The following NEGR1 variants were observed in gnomAD, a reference collection of about 807,000 sequenced individuals.
The protein encoded by NEGR1 is IgLON family member 4.
NEGR1 carries 10 observed loss-of-function variants against 40.9 expected under a neutral mutation model. The observed-to-expected ratio is 0.24, with a 90% CI of 0.15 to 0.42. NEGR1 has a LOEUF of 0.42. NEGR1 is among the 10% of genes least tolerant of loss of function. The probability of loss-of-function intolerance (pLI) is 1.00; values close to 1 mark genes in which losing one functional copy is unlikely to be tolerated. For missense variants in NEGR1, 352 were observed against 438.9 expected (o/e 0.80, Z 1.77); for synonymous variants, 185 against 166.8 (o/e 1.11, Z -0.84).
chr1:72,128,862 G>C lies in NEGR1; in HGVS notation c.176+153457C>G, dbSNP rs150810814. On this transcript the variant is annotated intron_variant, in intron 1 of 6. Transcript: ENST00000357731. ...AGATATCCCTCCTCAATATGAGTGG[G>C]TATCATTCAAAATGTTAATAGCCTA... is the stretch of plus-strand genomic sequence containing the variant. Among the ~76,000 whole-genome samples the C allele has an allele frequency of 2.4e-3, 370 of 152,220 alleles. 1 individual carries two copies. The highest frequency in any genetic ancestry group is 8.5e-3 in the African/African-American group (352 of 41,528).
At chr1:72,086,990 GA>G (rs1400716414) in intron 1 of NEGR1, among the ~76,000 whole-genome samples, 1 of 152,184 alleles carries the variant, frequency 6.6e-6, no homozygotes, top group Non-Finnish European at 1.5e-5. Context: ...TAGAAAATTT[GA>G]GTTAGAGTTA....
intron 1 of NEGR1, among the ~76,000 whole-genome samples, chr1:72,269,536 T>C (rs1452786609): frequency 2.0e-5 from 3 of 151,766 alleles, no homozygotes; most frequent in African/African-American, 7.2e-5. Flanking sequence ...CAAATCATGG[T>C]TATGCATTAA....
At chr1:71,954,141 A>G (rs1458898902) in intron 1 of NEGR1, among the ~76,000 whole-genome samples, 1 of 151,992 alleles carries the variant, frequency 6.6e-6, no homozygotes, top group Non-Finnish European at 1.5e-5. Context: ...AAGAGGATGA[A>G]TAAGAGCTGT....
intron 6 of NEGR1, among the ~76,000 whole-genome samples, chr1:71,581,833 G>A (rs1321842537): frequency 6.6e-6 from 1 of 151,844 alleles, no homozygotes; most frequent in Non-Finnish European, 1.5e-5. Flanking sequence ...ATTCCAAGTA[G>A]CTGGGATGAC....
In NEGR1 at chr1:72,041,428, A is replaced by G. The variant is rs536298087; in HGVS notation, c.177-106117T>C. 9.2e-5 allele frequency among the ~76,000 whole-genome samples: 8 copies of G among 87,108 alleles called. No individual in the cohort carries two copies. The East Asian group carries it at 3.2e-3, about 35-fold the overall frequency. 57.1% of individuals were successfully genotyped at this position (87,108 alleles called of 152,430 possible). A position where few individuals can be genotyped will look rare whatever the true frequency, so the allele number is the denominator to read the frequency against. ...ATTCATTCCTTCTCTTTTCTTCTGT[A>G]GGCTTTTTTTTTTTTTTTGTCTCCT... On this transcript the variant is annotated intron_variant, in intron 1 of 6. Coordinates refer to ENST00000357731, the MANE Select transcript of NEGR1 (RefSeq NM_173808.3).
intron 2 of NEGR1, among the ~76,000 whole-genome samples, chr1:71,926,195 A>G (rs1645770593): frequency 6.6e-6 from 1 of 152,158 alleles, no homozygotes; most frequent in African/African-American, 2.4e-5. Context: ...TTATTTTCAA[A>G]TTGTAATTTT....
chr1:71,620,717 A>G (rs1650582784), intron 4 of NEGR1, among the ~76,000 whole-genome samples: 1 of 152,008 alleles, frequency 6.6e-6, no homozygotes, highest in African/African-American at 2.4e-5. Context: ...TTCACATTGA[A>G]TTAAGCCTCT....
chr1:71,995,001 A>T (rs1646491727), intron 1 of NEGR1, among the ~76,000 whole-genome samples: 2 of 151,472 alleles, frequency 1.3e-5, no homozygotes, highest in African/African-American at 4.8e-5. Flanking sequence ...TACAGGAAAA[A>T]AAAAAAAAAA....
intron 5 of NEGR1, among the ~76,000 whole-genome samples, chr1:71,598,504 T>C (rs1473296037): frequency 1.3e-5 from 2 of 152,260 alleles, no homozygotes; most frequent in African/African-American, 4.8e-5. Context: ...TAGCTTCACA[T>C]AGTCAGCCTT....
chr1:71,772,086 T>G (rs1570324884), intron 3 of NEGR1, among the ~76,000 whole-genome samples: 1 of 152,146 alleles, frequency 6.6e-6, no homozygotes, highest in East Asian at 1.9e-4. Flanking sequence ...CACATGAATA[T>G]TATGTGACTC....
chr1:72,224,790 T>A (rs777235869), intron 1 of NEGR1, among the ~76,000 whole-genome samples: 5 of 152,062 alleles, frequency 3.3e-5, no homozygotes, highest in African/African-American at 1.2e-4. Flanking sequence ...TACTTGAATT[T>A]TTTTGCCTGA....
chr1:72,146,586 T>C (rs1650918743), intron 1 of NEGR1, among the ~76,000 whole-genome samples: 1 of 152,098 alleles, frequency 6.6e-6, no homozygotes, highest in Non-Finnish European at 1.5e-5. Flanking sequence ...TAATATTGTG[T>C]AAAATTATCT....
At chr1:71,497,502 C>G (rs1416621102) in intron 6 of NEGR1, among the ~76,000 whole-genome samples, 2 of 151,666 alleles carry the variant, frequency 1.3e-5, no homozygotes, top group East Asian at 1.9e-4. Flanking sequence ...GGTTATTGAT[C>G]TTTTTTATAA....
intron 2 of NEGR1, among the ~76,000 whole-genome samples, chr1:71,832,609 TC>T (rs1489047797): frequency 1.3e-5 from 2 of 152,042 alleles, no homozygotes; most frequent in African/African-American, 2.4e-5. Context: ...TGGTAGGTCC[TC>T]AGTAAAGATT....
chr1:71,994,996 GA>G (rs34098239), intron 1 of NEGR1, among the ~76,000 whole-genome samples: 13,056 of 111,454 alleles, frequency 0.12, 820 homozygotes, highest in East Asian at 0.25. Context: ...AAATTTACAG[GA>G]AAAAAAAAAA....
At chr1:71,422,715 G>C (rs1434236486) in intron 6 of NEGR1, 1 of 152,176 alleles carries the variant, frequency 6.6e-6, no homozygotes, top group Non-Finnish European at 1.5e-5. Flanking sequence ...GATTTTGTAA[G>C]TGAAAGGGAG....
At chr1:71,859,995 A>C (rs1659896481) in intron 2 of NEGR1, among the ~76,000 whole-genome samples, 1 of 152,056 alleles carries the variant, frequency 6.6e-6, no homozygotes, top group Non-Finnish European at 1.5e-5. Context: ...GATTAATAAA[A>C]GAAGAAGAGC....
At chr1:72,106,929 G>T (rs1372696750) in intron 1 of NEGR1, among the ~76,000 whole-genome samples, 1 of 151,804 alleles carries the variant, frequency 6.6e-6, no homozygotes, top group East Asian at 1.9e-4. Context: ...TCAGGTAAAA[G>T]ACATTTAGCT....
chr1:71,676,706 G>A (rs574945595), intron 4 of NEGR1, among the ~76,000 whole-genome samples: 4 of 152,250 alleles, frequency 2.6e-5, no homozygotes, highest in Admixed American at 1.3e-4. Context: ...TTTCTTGTCA[G>A]ATATAGCTGT....
Sources: allele counts gnomAD v4.1 joint callset (sites outside exome capture counted in the v4.1 genomes callset), GRCh38; gene constraint gnomAD v4.1.1; transcripts MANE v1.5; gene names NCBI Gene and HGNC (gene_info 2026-07-23, HGNC 2026-07-21).